Variants in ANO3 observed in about 807,000 individuals in gnomAD.
ANO3 encodes the protein anoctamin 3, also known as anoctamin-3.
Under a neutral mutation model 144.8 loss-of-function variants are expected in ANO3, and 99 were observed. The ratio of observed to expected loss-of-function variants is 0.68; its 90% CI spans 0.58 to 0.81. The LOEUF is 0.81. Ranked by LOEUF, ANO3 falls within the 30% of genes least tolerant of loss-of-function variation. The pLI, the probability that ANO3 is intolerant of heterozygous loss-of-function variation, is 0.00. For synonymous variants in ANO3, 414 were observed against 392.6 expected, an observed-to-expected ratio of 1.05 and a Z score of -0.64; for missense variants, 905 against 1,202.2, an observed-to-expected ratio of 0.75 and a Z score of 3.66.
chr11:26,284,096 G>A (rs1282357246), intron 1 of ANO3, among the ~76,000 whole-genome samples: 2 of 152,140 alleles, frequency 1.3e-5, no homozygotes, highest in Non-Finnish European at 1.5e-5. Flanking sequence ...GGCCTTGGAG[G>A]ACAGGGCCAG....
At chr11:26,525,486 A>C in intron 6 of ANO3, 149 bp from the exon 7 acceptor site, 1 of 619,322 alleles carries the variant, frequency 1.6e-6, no homozygotes. Context: ...TATTCCTCAT[A>C]GTATGCTGGG....
chr11:26,608,980 G>A (rs1210154858), intron 17 of ANO3, among the ~76,000 whole-genome samples: 2 of 152,170 alleles, frequency 1.3e-5, no homozygotes, highest in Non-Finnish European at 2.9e-5. Flanking sequence ...CTCCCCCAGG[G>A]AACTCAACGG....
At chr11:26,549,609 C>T (rs1196324775) in intron 12 of ANO3, among the ~76,000 whole-genome samples, 1 of 151,780 alleles carries the variant, frequency 6.6e-6, no homozygotes, top group South Asian at 2.1e-4. Context: ...TTGCCCTGCA[C>T]TTAATTATAG....
intron 1 of ANO3, among the ~76,000 whole-genome samples, chr11:26,225,056 G>A (rs1485359859): frequency 6.6e-6 from 1 of 152,128 alleles, no homozygotes; most frequent in Non-Finnish European, 1.5e-5. Flanking sequence ...CTGAGGTCAT[G>A]TCAAGAAAAG....
chr11:26,544,947 G>C (rs1331324357), intron 11 of ANO3, among the ~76,000 whole-genome samples: 2 of 151,958 alleles, frequency 1.3e-5, no homozygotes, highest in Non-Finnish European at 2.9e-5. Context: ...CCAAGAGAAA[G>C]TTTATGAAAG....
At chr11:26,355,272 C>CT (rs933712257) in intron 1 of ANO3, among the ~76,000 whole-genome samples, 12 of 152,086 alleles carry the variant, frequency 7.9e-5, no homozygotes, top group Admixed American at 2.6e-4. Context: ...CATAAAATGT[C>CT]TTTTTTTACA....
rs745538359 is a variant in ANO3, at chr11:26,660,382, C to T, written c.2884C>T (p.Leu962=). Residue 962 remains leucine (L), a synonymous_variant, in exon 27 of 27, where the codon CTG becomes TTG. Transcript: ENST00000256737. ...LVQEMMYEAE[L]EHLQQQRRKS... ...TCAAGAAATGATGTATGAGGCTGAACTGGAACATTTGCAACAACAACGGAG... is the reference window on the plus strand; with the variant it reads ...TCAAGAAATGATGTATGAGGCTGAATTGGAACATTTGCAACAACAACGGAG... 5 of 1,612,878 alleles carry T rather than the reference C, an allele frequency of 3.1e-6. No homozygotes were observed. The highest frequency in any genetic ancestry group is 1.7e-5 in the Admixed American group (1 of 59,856).
chr11:26,573,585 C>T (rs1413965986), intron 14 of ANO3, among the ~76,000 whole-genome samples: 1 of 152,192 alleles, frequency 6.6e-6, no homozygotes, highest in Admixed American at 6.5e-5. Flanking sequence ...ATCATTATCC[C>T]CTTCTGCCTT....
Position 26,380,949 on chromosome 11 carries a change from T to A in ANO3, c.46+48628T>A, listed in dbSNP as rs75860098. Among the ~76,000 whole-genome samples the A allele has an allele frequency of 5.3e-4, 81 of 152,108 alleles. 2 individuals are homozygous for A. The East Asian group carries it at 0.015, about 28-fold the overall frequency. On this transcript the variant is annotated intron_variant, in intron 1 of 26. Coordinates refer to ENST00000256737, the MANE Select transcript of ANO3 (RefSeq NM_031418.4). ...GTGAGCCAAGATCGCACCATTGCAC[T>A]CCAGCCTGGGTGACAGAGCGAGACT...
At chr11:26,294,400 A>T (rs778039346) in intron 1 of ANO3, among the ~76,000 whole-genome samples, 155 of 152,124 alleles carry the variant, frequency 1.0e-3, no homozygotes, top group Non-Finnish European at 1.7e-3. Flanking sequence ...TTATTTTTTT[A>T]AATTTTATTT....
intron 14 of ANO3, among the ~76,000 whole-genome samples, chr11:26,562,324 T>A (rs1208014969): frequency 1.3e-5 from 2 of 151,558 alleles, no homozygotes; most frequent in Non-Finnish European, 3.0e-5. Flanking sequence ...TCTGAACTCA[T>A]CAAAACTCAA....
chr11:26,608,908 G>A (rs11029641), intron 17 of ANO3, among the ~76,000 whole-genome samples: 17,638 of 152,178 alleles, frequency 0.12, 1,171 homozygotes, highest in Admixed American at 0.21. Flanking sequence ...GCTGCTGCCC[G>A]TCCTTCAAAG....
chr11:26,595,195 C>T (rs1028612683), intron 14 of ANO3, among the ~76,000 whole-genome samples: 1 of 152,168 alleles, frequency 6.6e-6, no homozygotes, highest in African/African-American at 2.4e-5. Flanking sequence ...GTTACACTCA[C>T]CAGTGTAGCA....
intron 1 of ANO3, among the ~76,000 whole-genome samples, chr11:26,251,687 G>T (rs889087385): frequency 1.3e-5 from 2 of 152,184 alleles, no homozygotes; most frequent in Non-Finnish European, 2.9e-5. Context: ...TCACAGTTCT[G>T]CATGGCTGGG....
At chr11:26,419,530 CTTTAA>C (rs59732291) in intron 1 of ANO3, among the ~76,000 whole-genome samples, 16,961 of 151,886 alleles carry the variant, frequency 0.11, 1,709 homozygotes, top group African/African-American at 0.28. Flanking sequence ...TTTTTTCAGT[CTTTAA>C]TTTAGTAATT....
chr11:26,378,782 G>A (rs1856490430), intron 1 of ANO3, among the ~76,000 whole-genome samples: 1 of 151,978 alleles, frequency 6.6e-6, no homozygotes, highest in Non-Finnish European at 1.5e-5. Flanking sequence ...TACCCAGAAG[G>A]ACACAGACAA....
chr11:26,557,409 C>T (rs937752626), intron 13 of ANO3, among the ~76,000 whole-genome samples: 1 of 147,708 alleles, frequency 6.8e-6, no homozygotes, highest in Non-Finnish European at 1.5e-5. Context: ...TACAGTGAGC[C>T]GAGATCACAC....
intron 26 of ANO3, among the ~76,000 whole-genome samples, chr11:26,656,832 G>A (rs1282635604): frequency 6.6e-6 from 1 of 152,122 alleles, no homozygotes; most frequent in Non-Finnish European, 1.5e-5. Flanking sequence ...GATTCATTGG[G>A]ATGGAAAAAA....
intron 1 of ANO3, among the ~76,000 whole-genome samples, chr11:26,244,973 TGG>T (rs1491283090): frequency 9.1e-6 from 1 of 110,434 alleles, no homozygotes; most frequent in Non-Finnish European, 1.9e-5. Context: ...TCTGGTCTCC[TGG>T]TGTGTGTGTG....
Sources: allele counts gnomAD v4.1 joint callset (sites outside exome capture counted in the v4.1 genomes callset), GRCh38; gene constraint gnomAD v4.1.1; transcripts MANE v1.5; gene names NCBI Gene and HGNC (gene_info 2026-07-23, HGNC 2026-07-21).